Variants in COX5A observed in about 807,000 individuals in gnomAD.
COX5A encodes cytochrome c oxidase subunit 5A, also known as cytochrome c oxidase subunit 5A, mitochondrial.
In COX5A, 6 loss-of-function variants were observed where a neutral mutation model predicts 16.1. The observed-to-expected ratio is 0.37, with a 90% CI of 0.20 to 0.73. The LOEUF is 0.73. Among genes scored for constraint, COX5A ranks in the 30% least tolerant of loss-of-function variants. The pLI, the probability that COX5A is intolerant of heterozygous loss-of-function variation, is 0.50. For missense variants in COX5A, 159 were observed against 194.9 expected (o/e 0.82, Z 1.10); for synonymous variants, 73 against 73.8 (o/e 0.99, Z 0.06).
At chr15:74,929,288 T>C (rs1284074234) in intron 1 of COX5A, 56 bp from the exon 2 acceptor site, 1 of 1,229,224 alleles carries the variant, frequency 8.1e-7, no homozygotes, top group Non-Finnish European at 1.2e-6. Context: ...TGATATATTT[T>C]GTTCAATGCA....
chr15:74,935,276 C>T (rs974569385), intron 1 of COX5A, among the ~76,000 whole-genome samples: 11 of 151,788 alleles, frequency 7.2e-5, no homozygotes, highest in African/African-American at 2.2e-4. Context: ...CATGACAGAG[C>T]GAGACCCTGT....
Position 74,929,206 on chromosome 15 carries a change from G to A in COX5A, c.127C>T (p.His43Tyr). The change falls in exon 2 of 5, where the codon CAT becomes TAT. Residue 43 changes from histidine to tyrosine, a missense_variant. Coordinates refer to ENST00000322347, the MANE Select transcript of COX5A (RefSeq NM_004255.4). ...TCCTCATCTGTCTCCTGTGACCCAT[G>A]GGAATAGCAGCGAACTGACTGGATA... ...VAIQSVRCYS[H>Y]GSQETDEEFD... The A allele has an allele frequency of 6.2e-7, 1 of 1,613,640 alleles. No homozygotes were observed. The highest frequency in any genetic ancestry group is 2.2e-5 in the East Asian group (1 of 44,870).
At chr15:74,936,679 T>C (rs1034967966) in intron 1 of COX5A, among the ~76,000 whole-genome samples, 1 of 137,488 alleles carries the variant, frequency 7.3e-6, no homozygotes, top group Non-Finnish European at 1.5e-5. Context: ...CAGGCTGGAG[T>C]GCAATGGCGC....
At chr15:74,936,661 C>A (rs1202854535) in intron 1 of COX5A, among the ~76,000 whole-genome samples, 1 of 134,942 alleles carries the variant, frequency 7.4e-6, no homozygotes, top group African/African-American at 2.8e-5. Flanking sequence ...GAGTCTCGCT[C>A]TGTCGGCCAG....
chr15:74,921,169 A>T (rs983377438), intron 4 of COX5A, among the ~76,000 whole-genome samples: 4 of 151,966 alleles, frequency 2.6e-5, no homozygotes, highest in Non-Finnish European at 5.9e-5. Flanking sequence ...GCACTTTGGG[A>T]GGCCGAGGCA....
At chr15:74,937,402 C>A (rs1225481857) in intron 1 of COX5A, among the ~76,000 whole-genome samples, 1 of 152,184 alleles carries the variant, frequency 6.6e-6, no homozygotes, top group Non-Finnish European at 1.5e-5. Context: ...ACAGCAGACC[C>A]TAAAAATGAT....
chr15:74,927,021 G>C (rs2065347616), intron 2 of COX5A, 134 bp from the exon 3 acceptor site: 1 of 886,900 alleles, frequency 1.1e-6, no homozygotes, highest in Non-Finnish European at 1.6e-6. Context: ...TATAAAATGA[G>C]AGAAACCTAC....
chr15:74,937,873 C>G (rs1035508431), intron 1 of COX5A, 42 bp downstream of exon 1: 14 of 1,173,826 alleles, frequency 1.2e-5, no homozygotes, highest in Non-Finnish European at 1.2e-5. Context: ...CAGGTCACCG[C>G]AAGGACACGA....
At chr15:74,936,377 T>C (rs77910252) in intron 1 of COX5A, among the ~76,000 whole-genome samples, 13,277 of 151,836 alleles carry the variant, frequency 0.087, 787 homozygotes, top group East Asian at 0.3. Flanking sequence ...TAAAATAAAA[T>C]GGCTTCCACG....
chr15:74,936,379 G>A (rs2065390350), intron 1 of COX5A, among the ~76,000 whole-genome samples: 1 of 151,764 alleles, frequency 6.6e-6, no homozygotes, highest in South Asian at 2.1e-4. Flanking sequence ...AAATAAAATG[G>A]CTTCCACGAT....
chr15:74,926,499 G>T (rs925309413), intron 3 of COX5A, among the ~76,000 whole-genome samples: 13 of 127,682 alleles, frequency 1.0e-4, no homozygotes, highest in African/African-American at 3.9e-4. Context: ...AAAAAAGAAA[G>T]AAAAAAAAAA....
intron 1 of COX5A, among the ~76,000 whole-genome samples, chr15:74,934,118 G>A (rs1308418549): frequency 3.3e-5 from 5 of 152,098 alleles, no homozygotes; most frequent in South Asian, 2.1e-4. Flanking sequence ...AAAAATTAGC[G>A]GGGTTTGGTG....
chr15:74,927,627 C>G (rs2065349969), intron 2 of COX5A, among the ~76,000 whole-genome samples: 3 of 151,970 alleles, frequency 2.0e-5, no homozygotes, highest in Non-Finnish European at 4.4e-5. Flanking sequence ...ACAAAATTGG[C>G]CGGGCGTGGT....
At chr15:74,929,579 C>T (rs1446772097) in intron 1 of COX5A, among the ~76,000 whole-genome samples, 1 of 152,142 alleles carries the variant, frequency 6.6e-6, no homozygotes, top group African/African-American at 2.4e-5. Flanking sequence ...AATTTTTACA[C>T]ATAACCAGAG....
At position 74,937,902 on chromosome 15, in the gene COX5A, G is replaced by C; in HGVS notation, c.100+13C>G. The C allele has an allele frequency of 2.4e-6, 3 of 1,228,656 alleles. No individual in the cohort carries two copies. Among genetic ancestry groups the C allele is most frequent in the Non-Finnish European group, 3.0e-6 (3 of 983,880 alleles). 76.1% of individuals were successfully genotyped at this position (1,228,656 alleles called of 1,614,324 possible). ...GACACGAGGGCGCGGGCAGTGGCAA[G>C]CAGGGGCCTTACCCACGGCGGGGCC... On this transcript the variant is annotated intron_variant, in intron 1 of 4. Coordinates refer to ENST00000322347, the MANE Select transcript of COX5A (RefSeq NM_004255.4).
chr15:74,931,236 C>T (rs917341951), intron 1 of COX5A, among the ~76,000 whole-genome samples: 1 of 151,964 alleles, frequency 6.6e-6, no homozygotes, highest in Non-Finnish European at 1.5e-5. Context: ...CGCAGTGGCT[C>T]ACACCTGTAA....
chr15:74,930,927 G>A (rs2141273378), intron 1 of COX5A, among the ~76,000 whole-genome samples: 1 of 138,982 alleles, frequency 7.2e-6, no homozygotes, highest in East Asian at 2.3e-4. Flanking sequence ...TGAGGCAGGA[G>A]AATGGCGTGA....
chr15:74,931,479 C>T (rs565487327), intron 1 of COX5A, among the ~76,000 whole-genome samples: 2 of 151,186 alleles, frequency 1.3e-5, no homozygotes, highest in Admixed American at 1.3e-4. Flanking sequence ...CCAGCCTGGG[C>T]GACACAGCAA....
chr15:74,928,375 C>G (rs1297373980), intron 2 of COX5A, among the ~76,000 whole-genome samples: 1 of 151,848 alleles, frequency 6.6e-6, no homozygotes, highest in Non-Finnish European at 1.5e-5. Context: ...CAAATGACTG[C>G]TTTGTGTAAA....
Sources: gnomAD v4.1 joint callset for allele counts (sites outside exome capture counted in the v4.1 genomes callset) on GRCh38, gnomAD v4.1.1 for gene constraint, MANE v1.5 for transcripts, NCBI Gene and HGNC (gene_info 2026-07-23, HGNC 2026-07-21) for gene names.